The following PAK3 variants were observed in gnomAD, a reference collection of about 807,000 sequenced individuals.
PAK3 encodes the protein serine/threonine-protein kinase PAK 3.
PAK3 carries 4 observed loss-of-function variants against 41.0 expected under a neutral mutation model. The observed-to-expected ratio is 0.10, with a 90% CI of 0.05 to 0.22. The LOEUF (loss-of-function observed/expected upper bound fraction) is 0.22, where lower values mean the gene tolerates loss of function less well. Ranked by LOEUF, PAK3 falls within the 10% of genes least tolerant of loss-of-function variation. The pLI is 1.00. For missense variants in PAK3, 205 were observed against 409.9 expected, an observed-to-expected ratio of 0.50 and a Z score of 4.32; for synonymous variants, 146 against 139.6, an observed-to-expected ratio of 1.05 and a Z score of -0.32.
chrX:111,170,921 A>G (rs906473914), intron 10 of PAK3, among the ~76,000 whole-genome samples: 8 of 111,389 alleles, frequency 7.2e-5, no homozygotes, highest in Non-Finnish European at 1.3e-4. Context: ...GTCTAACTAC[A>G]GAAATAGGAT....
rs758138444 is a variant in PAK3, at chrX:111,010,264, G to A, written c.-28+65636G>A. 2.9e-3 allele frequency among the ~76,000 whole-genome samples: 329 copies of A among 111,818 alleles called. 3 individuals carry two copies. Among genetic ancestry groups the A allele is most frequent in the African/African-American group, 0.01 (314 of 30,811 alleles). The stretch of plus-strand genomic sequence containing the variant: ...GACATCATGAATAATGGCTTCTTGG[G>A]ATTATGTGAGAACCACCCAGTTTCA... On this transcript the variant is annotated intron_variant, in intron 1 of 14. Transcript: ENST00000425146.
At chrX:111,035,585 T>G (rs1386290551) in intron 1 of PAK3, among the ~76,000 whole-genome samples, 1 of 111,877 alleles carries the variant, frequency 8.9e-6, no homozygotes, top group Non-Finnish European at 1.9e-5. Context: ...AGCTGGATGT[T>G]TCCAGGTTTT....
chrX:111,221,250 T>C lies in PAK3; in HGVS notation c.*803T>C. On this transcript the variant is annotated 3_prime_UTR_variant, in exon 18 of 18. Transcript: ENST00000372007. ...AAATCCTGTCACATTTTCACAATGA[T>C]GCTTAAAAGATAATTGAGTAAACCA... 1 of 112,235 alleles carries C rather than the reference T, an allele frequency of 8.9e-6. No individual in the cohort carries two copies. The highest frequency in any genetic ancestry group is 1.9e-5 in the Non-Finnish European group (1 of 53,217). The allele number at this position is 112,235 out of a possible 1,213,427, so 9.2% of individuals were successfully genotyped here. A position where few individuals can be genotyped will look rare whatever the true frequency, so the allele number is the denominator to read the frequency against.
chrX:111,096,101 C>T (rs766904874), upstream of PAK3, among the ~76,000 whole-genome samples: 1 of 112,171 alleles, frequency 8.9e-6, no homozygotes, highest in Non-Finnish European at 1.9e-5. Flanking sequence ...TAGTTTTATG[C>T]TCACCATCTG....
intron 11 of PAK3, among the ~76,000 whole-genome samples, chrX:111,186,121 A>G (rs1196634247): frequency 9.0e-6 from 1 of 111,533 alleles, no homozygotes; most frequent in East Asian, 2.8e-4. Flanking sequence ...TCAATAAACT[A>G]GGTATTGATG....
chrX:111,155,177 G>A lies in PAK3; in HGVS notation c.468+2730G>A, dbSNP rs762511089. Reference sequence around the variant, plus strand: ...TTTGGATATCAGGCTGGTAGGGGAAGGTAAACATGGACATAAAGAAGTACA... The same window carrying A: ...TTTGGATATCAGGCTGGTAGGGGAAAGTAAACATGGACATAAAGAAGTACA... On this transcript the variant is annotated intron_variant, in intron 8 of 17. Coordinates refer to ENST00000372007, the MANE Select transcript of PAK3 (RefSeq NM_002578.5). 7.2e-5 allele frequency among the ~76,000 whole-genome samples: 8 copies of A among 111,015 alleles called. No individual in the cohort carries two copies. In the East Asian group the frequency reaches 2.3e-3, roughly 31 times the overall value.
At chrX:110,997,143 G>A (rs1001106381) in intron 1 of PAK3, among the ~76,000 whole-genome samples, 19 of 111,188 alleles carry the variant, frequency 1.7e-4, no homozygotes, top group African/African-American at 6.2e-4. Flanking sequence ...CGGTATGGCT[G>A]GAGGTTTGAA....
intron 11 of PAK3, among the ~76,000 whole-genome samples, chrX:111,188,281 C>A (rs775655587): frequency 7.9e-4 from 87 of 109,866 alleles, no homozygotes; most frequent in African/African-American, 2.8e-3. Context: ...CACTCCAAGT[C>A]AATCACAATT....
At chrX:111,115,557 C>G (rs1032396242) in intron 4 of PAK3, among the ~76,000 whole-genome samples, 2 of 111,186 alleles carry the variant, frequency 1.8e-5, no homozygotes, top group Non-Finnish European at 3.8e-5. Context: ...ATGTTATTTC[C>G]TCTTCCTTAA....
intron 16 of PAK3, among the ~76,000 whole-genome samples, chrX:111,205,483 C>A (rs1377692285): frequency 1.8e-5 from 2 of 110,674 alleles, no homozygotes; most frequent in African/African-American, 6.6e-5. Context: ...ATTCAGAAAG[C>A]AGCTTGGAGA....
At chrX:110,952,100 C>A (rs754380042) in intron 1 of PAK3, among the ~76,000 whole-genome samples, 1 of 112,210 alleles carries the variant, frequency 8.9e-6, no homozygotes, top group African/African-American at 3.2e-5. Context: ...GGGTATAGTG[C>A]CAAACAAGTA....
At chrX:111,078,491 C>T (rs2092806139) in intron 1 of PAK3, among the ~76,000 whole-genome samples, 1 of 110,842 alleles carries the variant, frequency 9.0e-6, no homozygotes, top group Non-Finnish European at 1.9e-5. Flanking sequence ...GAACTATGCC[C>T]ATATAAGATG....
chrX:111,217,371 G>A (rs1389281587), intron 17 of PAK3: 1 of 384,742 alleles, frequency 2.6e-6, no homozygotes, highest in African/African-American at 2.6e-5. Flanking sequence ...TCAGGGACAT[G>A]TATGAAGACA....
chrX:111,036,844 A>G (rs187036995), intron 1 of PAK3, among the ~76,000 whole-genome samples: 8 of 112,216 alleles, frequency 7.1e-5, no homozygotes, highest in Admixed American at 5.7e-4. Flanking sequence ...ATCACTAGGT[A>G]AAAGTTGAAT....
intron 1 of PAK3, among the ~76,000 whole-genome samples, chrX:111,055,183 T>C (rs2092594036): frequency 1.8e-5 from 2 of 112,026 alleles, no homozygotes; most frequent in South Asian, 7.5e-4. Context: ...TCAGCTGAGC[T>C]CTTCATGAGG....
intron 11 of PAK3, among the ~76,000 whole-genome samples, chrX:111,189,783 G>A (rs758888173): frequency 9.0e-6 from 1 of 111,216 alleles, no homozygotes; most frequent in African/African-American, 3.3e-5. Context: ...GACTTATTGC[G>A]GCTGAAATAT....
At chrX:111,026,484 A>T (rs762249656) in intron 1 of PAK3, among the ~76,000 whole-genome samples, 2 of 111,764 alleles carry the variant, frequency 1.8e-5, no homozygotes, top group Non-Finnish European at 3.8e-5. Flanking sequence ...AATGTACACA[A>T]ATCAGTATCT....
At chrX:111,013,352 C>T (rs1371784784) in intron 1 of PAK3, among the ~76,000 whole-genome samples, 4 of 111,551 alleles carry the variant, frequency 3.6e-5, no homozygotes, top group Admixed American at 9.5e-5. Context: ...TAGGGATTCC[C>T]CATCCAGCAT....
intron 1 of PAK3, among the ~76,000 whole-genome samples, chrX:111,021,262 C>T (rs1333335792): frequency 1.8e-5 from 2 of 112,100 alleles, no homozygotes; most frequent in African/African-American, 6.5e-5. Flanking sequence ...AAAAACACAA[C>T]CAAAGACCCT....
Sources: allele counts gnomAD v4.1 joint callset (sites outside exome capture counted in the v4.1 genomes callset), GRCh38; gene constraint gnomAD v4.1.1; transcripts MANE v1.5; gene names NCBI Gene and HGNC (gene_info 2026-07-23, HGNC 2026-07-21).